CLIP1: variants seen among roughly 807,000 people sequenced by gnomAD.
CLIP1 encodes the protein CAP-Gly domain-containing linker protein 1.
In CLIP1, 66 loss-of-function variants were observed where a neutral mutation model predicts 161.6. That is an observed-to-expected ratio of 0.41 (90% confidence interval 0.33 to 0.50). CLIP1 has a LOEUF of 0.50. CLIP1 is among the 20% of genes least tolerant of loss of function. The pLI, the probability that CLIP1 is intolerant of heterozygous loss-of-function variation, is 0.27. For synonymous variants in CLIP1, 598 were observed against 626.2 expected (o/e 0.96, Z 0.67); for missense variants, 1,376 against 1,702.0 (o/e 0.81, Z 3.37).
intron 1 of CLIP1, among the ~76,000 whole-genome samples, chr12:122,383,112 T>C (rs1014122962): frequency 3.3e-5 from 5 of 152,202 alleles, no homozygotes; most frequent in African/African-American, 9.7e-5. Context: ...GCAAACAGGC[T>C]AAGTGTAGAA....
intron 1 of CLIP1, among the ~76,000 whole-genome samples, chr12:122,402,971 T>G (rs1414168575): frequency 6.6e-6 from 1 of 152,216 alleles, no homozygotes; most frequent in Admixed American, 6.6e-5. Flanking sequence ...TACGTGATTA[T>G]GTGGCTCGTG....
intron 1 of CLIP1, among the ~76,000 whole-genome samples, chr12:122,409,821 C>T (rs1257908283): frequency 2.0e-5 from 3 of 151,832 alleles, no homozygotes; most frequent in Non-Finnish European, 4.4e-5. Context: ...CGTGGGCCAC[C>T]GCGCCCGGCC....
At chr12:122,365,677 T>TA (rs34314261) in intron 3 of CLIP1, 298,926 of 578,654 alleles carry the variant, frequency 0.52, 40,994 homozygotes, top group African/African-American at 0.71. Context: ...CTGGGCTATT[T>TA]AAAAAAAAAA....
At chr12:122,292,869 G>A (rs1010383245) in intron 20 of CLIP1, among the ~76,000 whole-genome samples, 5 of 151,880 alleles carry the variant, frequency 3.3e-5, no homozygotes, top group Admixed American at 1.3e-4. Flanking sequence ...CGGGCGCGGT[G>A]GTGGGCGCCT....
intron 1 of CLIP1, among the ~76,000 whole-genome samples, chr12:122,382,548 G>A (rs1458240504): frequency 3.3e-5 from 5 of 151,120 alleles, no homozygotes; most frequent in South Asian, 4.2e-4. Context: ...AGAAGGCCAC[G>A]TGAAAACAGA....
intron 1 of CLIP1, among the ~76,000 whole-genome samples, chr12:122,388,270 A>G (rs1467390204): frequency 1.3e-5 from 2 of 150,212 alleles, no homozygotes; most frequent in Non-Finnish European, 2.9e-5. Context: ...CCCAGGCTGG[A>G]GCGCAGTGGC....
At chr12:122,353,595 CAG>C (rs1370548593) in intron 7 of CLIP1, among the ~76,000 whole-genome samples, 4 of 152,126 alleles carry the variant, frequency 2.6e-5, no homozygotes, top group African/African-American at 4.8e-5. Flanking sequence ...GCCTGAGTGA[CAG>C]AGTGAGACCC....
intron 11 of CLIP1, among the ~76,000 whole-genome samples, chr12:122,339,970 C>CAA (rs1952419746): frequency 6.6e-6 from 1 of 152,032 alleles, no homozygotes; most frequent in South Asian, 2.1e-4. Flanking sequence ...TACCATATTA[C>CAA]AATCTTATGG....
At position 122,349,904 on chromosome 12, in the gene CLIP1, TTTTTTTTG is replaced by T. The variant is rs1470995139; in HGVS notation, c.1401+1199_1401+1206del. 4.8e-4 allele frequency among the ~76,000 whole-genome samples: 12 copies of T among 24,862 alleles called. No individual in the cohort carries two copies. In the South Asian group the frequency reaches 5.2e-3, roughly 11 times the overall value. The allele number at this position is 24,862 out of a possible 152,430, so 16.3% of individuals were successfully genotyped here. A position where few individuals can be genotyped will look rare whatever the true frequency, so the allele number is the denominator to read the frequency against. On this transcript the variant is annotated intron_variant, in intron 9 of 25. Transcript: ENST00000620786. Reference sequence around the variant, plus strand: ...GTCTTGTGTTTTTTTGTTTTTTTTGTTTTTTTTGTTTTTTTTTGAGATGGAGTTTTGTT... The same window carrying T: ...GTCTTGTGTTTTTTTGTTTTTTTTGTTTTTTTTTTGAGATGGAGTTTTGTT...
At position 122,379,943 on chromosome 12, in the gene CLIP1, T is replaced by TAAAAAAAAA. The variant is rs1566198620; in HGVS notation, c.85+424_85+425insTTTTTTTTT. ...TGGGGAATAGAGCAAGACTCCATCT[T>TAAAAAAAAA]TAAAAAAAAAAAAAAAAAATGCAAG... On this transcript the variant is annotated intron_variant, in intron 2 of 25. Transcript: ENST00000620786. 2.7e-4 allele frequency among the ~76,000 whole-genome samples: 19 copies of TAAAAAAAAA among 70,406 alleles called. 2 individuals carry two copies. Among genetic ancestry groups the TAAAAAAAAA allele is most frequent in the Middle Eastern group, 8.8e-3 (1 of 114 alleles). 46.2% of individuals were successfully genotyped at this position (70,406 alleles called of 152,430 possible). A position where few individuals can be genotyped will look rare whatever the true frequency, so the allele number is the denominator to read the frequency against.
chr12:122,284,951 T>C (rs1011087627), intron 21 of CLIP1, among the ~76,000 whole-genome samples: 2 of 152,176 alleles, frequency 1.3e-5, no homozygotes, highest in Non-Finnish European at 1.5e-5. Flanking sequence ...GTATTTATTT[T>C]ATTTTAGAGA....
chr12:122,301,671 C>T (rs1950684088), intron 20 of CLIP1, among the ~76,000 whole-genome samples: 2 of 152,178 alleles, frequency 1.3e-5, no homozygotes, highest in Admixed American at 6.5e-5. Context: ...CAGACTCTGT[C>T]TCAAAATAAC....
intron 20 of CLIP1, among the ~76,000 whole-genome samples, chr12:122,301,935 C>A (rs575258643): frequency 3.3e-5 from 5 of 152,322 alleles, no homozygotes; most frequent in Admixed American, 3.3e-4. Context: ...CCTGAATAGT[C>A]ATTGTCTGGA....
chr12:122,405,299 T>A (rs1171079541), intron 1 of CLIP1, among the ~76,000 whole-genome samples: 1 of 152,182 alleles, frequency 6.6e-6, no homozygotes, highest in Admixed American at 6.6e-5. Flanking sequence ...GTCAAAAAAG[T>A]CAGAAGGATT....
intron 3 of CLIP1, among the ~76,000 whole-genome samples, chr12:122,367,151 G>T (rs1303893764): frequency 1.3e-5 from 2 of 152,062 alleles, no homozygotes; most frequent in African/African-American, 4.8e-5. Flanking sequence ...CATCTAATAG[G>T]CTATAGTCAA....
In CLIP1 at chr12:122,274,146, G is replaced by C; in HGVS notation, c.3983C>G (p.Ser1328Ter). ...AQESQIDFLN[S>*]VIVDLQRKNQ... is the part of the protein sequence containing the mutation. ...CTTCCTTTGAAGGTCCACTATTACT[G>C]AATTTAGGAAATCAATCTGATTTGT... The change falls in exon 25 of 26, where the codon TCA becomes TGA. Residue 1328 changes from serine to a stop codon, truncating the protein, a stop_gained. Transcript: ENST00000620786. LOFTEE classifies it high-confidence loss of function. 6.3e-7 allele frequency: 1 copy of C among 1,596,630 alleles called. No individual in the cohort carries two copies. The highest frequency in any genetic ancestry group is 2.2e-5 in the East Asian group (1 of 44,790).
chr12:122,364,063 G>A lies in CLIP1; in HGVS notation c.702C>T (p.Thr234=), dbSNP rs143820869. 1.1e-5 allele frequency: 17 copies of A among 1,613,864 alleles called. No individual in the cohort carries two copies. The highest frequency in any genetic ancestry group is 1.6e-4 in the Middle Eastern group (1 of 6,084). ...KAGVVRFLGE[T]DFAKGEWCGV... is the part of the protein sequence containing the mutation. ...CACACCACTCCCCCTTGGCAAAGTC[G>A]GTCTCCCCAAGAAACCGGACTACAC... is the stretch of plus-strand genomic sequence containing the variant. The change falls in exon 4 of 26, where the codon ACC becomes ACT. Residue 234 remains threonine (T), a synonymous_variant. Transcript: ENST00000620786.
intron 17 of CLIP1, among the ~76,000 whole-genome samples, chr12:122,327,668 T>C (rs555680845): frequency 1.3e-5 from 2 of 151,824 alleles, no homozygotes; most frequent in South Asian, 4.2e-4. Context: ...AAAGAACCTT[T>C]GTGACCTCTG....
intron 3 of CLIP1, among the ~76,000 whole-genome samples, chr12:122,369,767 A>AGT (rs760744780): frequency 1.3e-4 from 20 of 151,750 alleles, no homozygotes; most frequent in Non-Finnish European, 2.1e-4. Flanking sequence ...TGAGGAGGTA[A>AGT]CACTTGAGCA....
Sources: gnomAD v4.1 joint callset for allele counts (sites outside exome capture counted in the v4.1 genomes callset) on GRCh38, gnomAD v4.1.1 for gene constraint, MANE v1.5 for transcripts, NCBI Gene and HGNC (gene_info 2026-07-23, HGNC 2026-07-21) for gene names.